The following ZNF407 variants were observed in gnomAD, a reference collection of about 807,000 sequenced individuals.
ZNF407 encodes the protein zinc finger protein 407.
In ZNF407, 17 loss-of-function variants were observed where a neutral mutation model predicts 131.2. That is an observed-to-expected ratio of 0.13 (90% confidence interval 0.09 to 0.19). ZNF407 has a LOEUF of 0.19. ZNF407 is among the 10% of genes least tolerant of loss of function. The probability of loss-of-function intolerance (pLI) is 1.00; values close to 1 mark genes in which losing one functional copy is unlikely to be tolerated. For synonymous variants in ZNF407, 1,156 were observed against 1,062.0 expected, an observed-to-expected ratio of 1.09 and a Z score of -1.72; for missense variants, 2,681 against 2,830.6, an observed-to-expected ratio of 0.95 and a Z score of 1.20.
In ZNF407 at chr18:74,704,005, TTA is replaced by T. The variant is rs374905762; in HGVS notation, c.4802+62884_4802+62885del. ...ACAGATAGTCATTCATGTCATGAAG[TTA>T]ATGACATAGAAGTACAGTAATGTTC... On this transcript the variant is annotated intron_variant, in intron 3 of 8. Transcript: ENST00000299687. Among the ~76,000 whole-genome samples, 25 of 152,246 alleles carry T rather than the reference TTA, an allele frequency of 1.6e-4. No individual in the cohort carries two copies. In the South Asian group the frequency reaches 4.4e-3, roughly 27 times the overall value.
intron 4 of ZNF407, among the ~76,000 whole-genome samples, chr18:74,818,731 C>T (rs1383163530): frequency 6.6e-6 from 1 of 152,130 alleles, no homozygotes. Context: ...CTCTGGAGGA[C>T]TGAGGAATAG....
intron 4 of ZNF407, among the ~76,000 whole-genome samples, chr18:74,788,953 G>A (rs9965744): frequency 0.65 from 98,542 of 151,558 alleles, 33,848 homozygotes; most frequent in East Asian, 0.95. Flanking sequence ...GGTTTTGTGC[G>A]GATGGGTGAT....
At chr18:74,612,557 ACCT>A (rs2144621892) in intron 1 of ZNF407, among the ~76,000 whole-genome samples, 1 of 152,284 alleles carries the variant, frequency 6.6e-6, no homozygotes, top group Non-Finnish European at 1.5e-5. Flanking sequence ...TCTTCAGTTG[ACCT>A]CCTGTAAAGA....
chr18:74,641,249 T>C, intron 3 of ZNF407, 127 bp downstream of exon 3: 6 of 663,336 alleles, frequency 9.0e-6, no homozygotes, highest in Admixed American at 4.9e-5. Context: ...CTCCTTTCCA[T>C]TGTTATGGTA....
intron 4 of ZNF407, among the ~76,000 whole-genome samples, chr18:74,791,214 T>C (rs1969819727): frequency 6.6e-6 from 1 of 152,242 alleles, no homozygotes; most frequent in Non-Finnish European, 1.5e-5. Flanking sequence ...TCTTTGATAC[T>C]TTTAAGATAT....
intron 8 of ZNF407, among the ~76,000 whole-genome samples, chr18:74,979,571 C>T (rs1369699741): frequency 6.6e-6 from 1 of 152,116 alleles, no homozygotes; most frequent in Non-Finnish European, 1.5e-5. Flanking sequence ...GGATTACAGG[C>T]GTGAGCCACC....
chr18:74,726,165 C>T (rs1968153685), intron 3 of ZNF407, among the ~76,000 whole-genome samples: 2 of 152,086 alleles, frequency 1.3e-5, no homozygotes, highest in African/African-American at 2.4e-5. Flanking sequence ...TCAGCTGTCC[C>T]CTTCCACTCA....
intron 4 of ZNF407, among the ~76,000 whole-genome samples, chr18:74,856,400 C>G (rs1359821815): frequency 6.6e-6 from 1 of 152,114 alleles, no homozygotes; most frequent in African/African-American, 2.4e-5. Flanking sequence ...ACATTTATGA[C>G]TATAAATTTC....
chr18:74,660,911 T>C (rs767439403), intron 3 of ZNF407, among the ~76,000 whole-genome samples: 1 of 152,186 alleles, frequency 6.6e-6, no homozygotes, highest in Non-Finnish European at 1.5e-5. Context: ...GATTTACCAA[T>C]AATGCACATT....
chr18:74,644,896 C>T (rs1599037324), intron 3 of ZNF407, among the ~76,000 whole-genome samples: 1 of 151,794 alleles, frequency 6.6e-6, no homozygotes, highest in Admixed American at 6.6e-5. Context: ...GTTGTTTTCA[C>T]TGCATGTAGG....
chr18:74,739,581 C>T (rs2144916041), intron 3 of ZNF407, among the ~76,000 whole-genome samples: 2 of 151,864 alleles, frequency 1.3e-5, no homozygotes, highest in South Asian at 4.2e-4. Context: ...ATGCTTTGGA[C>T]AATTTTTTTT....
Position 74,889,717 on chromosome 18 carries a change from T to C in ZNF407, c.5129-201T>C, listed in dbSNP as rs530312640. On this transcript the variant is annotated intron_variant, in intron 6 of 8. Transcript: ENST00000299687. ...TCTATACTTTGCTTACATTCTAATA[T>C]AGAAACAAAAATCAATGATATCTTC... 4.4e-4 allele frequency among the ~76,000 whole-genome samples: 67 copies of C among 152,282 alleles called. 3 individuals are homozygous for C. The highest frequency in any genetic ancestry group is 3.5e-3 in the Admixed American group (53 of 15,286).
intron 4 of ZNF407, among the ~76,000 whole-genome samples, chr18:74,815,051 G>C (rs1221018041): frequency 6.6e-6 from 1 of 150,630 alleles, no homozygotes; most frequent in African/African-American, 2.5e-5. Flanking sequence ...TTTATGACCA[G>C]AAGTATAACA....
intron 4 of ZNF407, among the ~76,000 whole-genome samples, chr18:74,825,010 G>A (rs183931779): frequency 3.0e-4 from 46 of 152,156 alleles, no homozygotes; most frequent in Middle Eastern, 3.4e-3. Context: ...AAGCTTATCC[G>A]CTACGATCAA....
intron 7 of ZNF407, among the ~76,000 whole-genome samples, chr18:74,919,895 C>T (rs374441899): frequency 4.6e-5 from 7 of 152,278 alleles, no homozygotes; most frequent in African/African-American, 1.4e-4. Flanking sequence ...TCAGTGGCAC[C>T]GTGGCGTGGA....
At chr18:75,055,106 A>G (rs1973547279) in intron 8 of ZNF407, among the ~76,000 whole-genome samples, 1 of 152,198 alleles carries the variant, frequency 6.6e-6, no homozygotes, top group Admixed American at 6.5e-5. Context: ...TTGATACTGC[A>G]TGGGTTCCCC....
At chr18:74,853,122 G>A (rs1389423266) in intron 4 of ZNF407, among the ~76,000 whole-genome samples, 1 of 152,116 alleles carries the variant, frequency 6.6e-6, no homozygotes, top group Non-Finnish European at 1.5e-5. Flanking sequence ...CGTATCAAAT[G>A]TGTGTACATC....
At chr18:74,757,070 C>G (rs1346994462) in intron 3 of ZNF407, among the ~76,000 whole-genome samples, 1 of 151,744 alleles carries the variant, frequency 6.6e-6, no homozygotes, top group African/African-American at 2.4e-5. Flanking sequence ...TTGATATTGC[C>G]TATTTTTCTA....
intron 4 of ZNF407, among the ~76,000 whole-genome samples, chr18:74,810,202 A>C (rs1970174064): frequency 1.3e-5 from 2 of 152,184 alleles, no homozygotes; most frequent in Admixed American, 1.3e-4. Context: ...GATGAGGACC[A>C]ACCTTTTGGA....
Sources: gnomAD v4.1 joint callset for allele counts (sites outside exome capture counted in the v4.1 genomes callset) on GRCh38, gnomAD v4.1.1 for gene constraint, MANE v1.5 for transcripts, NCBI Gene and HGNC (gene_info 2026-07-23, HGNC 2026-07-21) for gene names.